HOOK2: variants seen among roughly 807,000 people sequenced by gnomAD.
HOOK2 encodes the protein hook microtubule tethering protein 2.
HOOK2 carries 108 observed loss-of-function variants against 111.9 expected under a neutral mutation model. The observed-to-expected ratio is 0.96, with a 90% CI of 0.83 to 1.13. The LOEUF is 1.13. HOOK2 is among the 50% of genes most tolerant of loss of function. The pLI is 0.00. For synonymous variants in HOOK2, 405 were observed against 394.3 expected (o/e 1.03, Z -0.32); for missense variants, 978 against 951.3 (o/e 1.03, Z -0.37).
chr19:12,771,247 G>A lies in HOOK2; in HGVS notation c.673C>T (p.Pro225Ser). ...AGACCTGGGGTACCCTCGCCTTCAG[G>A]CCGGCCCATCCGCTCCCGCAGCCCT... Reference protein sequence around the residue: ...NAGLRERMGRPEGEGTPGLTA... With the variant: ...NAGLRERMGRSEGEGTPGLTA... Residue 225 changes from proline (P) to serine (S), a missense_variant, in exon 9 of 23, where the codon CCT (proline) becomes TCT (serine). This residue lies in a region of HOOK2 where 301 missense variants were observed against 286.1 expected (regional missense o/e 1.05). Coordinates refer to ENST00000397668, the MANE Select transcript of HOOK2 (RefSeq NM_013312.3). 6.2e-7 allele frequency: 1 copy of A among 1,609,262 alleles called. No homozygotes were observed. Among genetic ancestry groups the A allele is most frequent in the African/African-American group, 1.3e-5 (1 of 75,026 alleles).
Position 12,765,677 on chromosome 19 carries a change from T to C in HOOK2, c.1640+13A>G. On this transcript the variant is annotated intron_variant, in intron 18 of 22. Transcript: ENST00000397668. ...CATGCCCCCACGAGGAGTTCCCTCT[T>C]TCTGCGACTTACAAATGTTCCTCCA... The C allele has an allele frequency of 6.2e-7, 1 of 1,614,114 alleles. No homozygotes were observed. The highest frequency in any genetic ancestry group is 8.5e-7 in the Non-Finnish European group (1 of 1,180,000).
Position 12,791,651 on chromosome 19 carries a change from C to T in HOOK2, n.42-17426G>A, listed in dbSNP as rs1461090018. 4 of 677,648 alleles carry T rather than the reference C, an allele frequency of 5.9e-6. No individual in the cohort carries two copies. Among genetic ancestry groups the T allele is most frequent in the African/African-American group, 1.9e-5 (1 of 52,306 alleles). 42.0% of individuals were successfully genotyped at this position (677,648 alleles called of 1,614,324 possible). On this transcript the variant is annotated intron_variant and non_coding_transcript_variant, in intron 3 of 3. Coordinates refer to the HOOK2 transcript ENST00000589765. This position sits in a 1 kb window ranked among gnomAD's most constrained non-coding sequence, Gnocchi z 7.0. The stretch of plus-strand genomic sequence containing the variant: ...GCTGGCTGCTACCCGCCCGCGCCAG[C>T]CCCCGAGAACGCGCGACCAGGCACC...
At chr19:12,767,611 C>T in intron 13 of HOOK2, 147 bp from the exon 14 acceptor site, 1 of 869,652 alleles carries the variant, frequency 1.1e-6, no homozygotes, top group Non-Finnish European at 1.8e-6. Flanking sequence ...TGATAGAGAA[C>T]CGGGAGGGTT....
intron 3 of HOOK2, among the ~76,000 whole-genome samples, chr19:12,783,501 C>T (rs539006651): frequency 1.0e-3 from 159 of 152,106 alleles, no homozygotes; most frequent in Non-Finnish European, 1.9e-3. Context: ...AAGCCGGCGC[C>T]CCCCTCGAGC....
rs917908024 is a variant in HOOK2 at position 12,790,614 on chromosome 19, T to C, written n.42-16389A>G. 6.6e-6 allele frequency among the ~76,000 whole-genome samples: 1 copy of C among 152,160 alleles called. No homozygotes were observed. Among genetic ancestry groups the C allele is most frequent in the Admixed American group, 6.5e-5 (1 of 15,278 alleles). On this transcript the variant is annotated intron_variant and non_coding_transcript_variant, in intron 3 of 3. Transcript: ENST00000589765. This position sits in a 1 kb window ranked among gnomAD's most constrained non-coding sequence, Gnocchi z 7.2. ...ACATGTCAACTGAGTACCCTCTTATTGTCTTCTCTGCTCCGAAGATGTGTC... is the reference window on the plus strand; with the variant it reads ...ACATGTCAACTGAGTACCCTCTTATCGTCTTCTCTGCTCCGAAGATGTGTC...
At position 12,770,103 on chromosome 19, in the gene HOOK2, G is replaced by T. The variant is rs377711172; in HGVS notation, c.903-21C>A. 3.4e-5 allele frequency: 50 copies of T among 1,471,460 alleles called. No individual in the cohort carries two copies. In the African/African-American group the frequency reaches 6.4e-4, roughly 19 times the overall value. The allele number at this position is 1,471,460 out of a possible 1,614,324, so 91.2% of individuals were successfully genotyped here. A position where few individuals can be genotyped will look rare whatever the true frequency, so the allele number is the denominator to read the frequency against. The stretch of plus-strand genomic sequence containing the variant: ...ACTGCCTAGGGGAGTGGGAGGGAAG[G>T]GGGAGGGCTGAGAGCTCTGATCAGG... On this transcript the variant is annotated intron_variant, in intron 10 of 22. Coordinates refer to ENST00000397668, the MANE Select transcript of HOOK2 (RefSeq NM_013312.3).
chr19:12,770,070 C>T lies in HOOK2; in HGVS notation c.915G>A (p.Glu305=), dbSNP rs1968271752. 1.3e-6 allele frequency: 2 copies of T among 1,518,226 alleles called. No homozygotes were observed. The highest frequency in any genetic ancestry group is 2.1e-5 in the Admixed American group (1 of 48,522). The allele number at this position is 1,518,226 out of a possible 1,614,324, so 94.0% of individuals were successfully genotyped here. Residue 305 remains glutamate (E), a synonymous_variant, in exon 11 of 23, where the codon GAG becomes GAA. Coordinates refer to ENST00000397668, the MANE Select transcript of HOOK2 (RefSeq NM_013312.3). ...DEMDELRQSS[E]RAGQLEATLT... ...GCGTGGCCTCCAGCTGCCCAGCACG[C>T]TCCGAAGACTGCCTAGGGGAGTGGG...
In HOOK2 at chr19:12,772,861, C is replaced by T. The variant is rs773351960; in HGVS notation, c.307G>A (p.Gly103Arg). ...AGCTCTGCCGGGTCTGAGAACTCTC[C>T]AATGAGGCTCACATCTGGGAGATGC... The part of the protein sequence containing the change: ...EEHLPDVSLI[G>R]EFSDPAELGK... The change falls in exon 5 of 23, where the codon GGA (glycine) becomes AGA (arginine). Residue 103 changes from glycine to arginine, a missense_variant. Gly to Arg is a moderately radical substitution (Grantham distance 125). Transcript: ENST00000397668. The T allele has an allele frequency of 6.2e-7, 1 of 1,614,200 alleles. No individual in the cohort carries two copies.
At position 12,770,080 on chromosome 19, in the gene HOOK2, T is replaced by A; in HGVS notation, c.905A>T (p.Gln302Leu). The A allele has an allele frequency of 6.7e-7, 1 of 1,493,962 alleles. No individual in the cohort carries two copies. The highest frequency in any genetic ancestry group is 8.9e-7 in the Non-Finnish European group (1 of 1,122,262). 92.5% of individuals were successfully genotyped at this position (1,493,962 alleles called of 1,614,324 possible). The change falls in exon 11 of 23, where the codon CAG (glutamine) becomes CTG (leucine). Residue 302 changes from glutamine (Q) to leucine (L), a missense_variant and splice_region_variant. Gln to Leu is a moderately radical substitution (Grantham distance 113). Around this residue, in one of 5 missense-constraint regions of HOOK2, gnomAD observed 388 missense variants for 358.3 expected, o/e 1.08. Transcript: ENST00000397668. ...CAGCTGCCCAGCACGCTCCGAAGAC[T>A]GCCTAGGGGAGTGGGAGGGAAGGGG... is the stretch of plus-strand genomic sequence containing the variant. ...ALKDEMDELR[Q>L]SSERAGQLEA...
chr19:12,764,942 C>T (rs762205954), intron 19 of HOOK2, 25 bp from the exon 20 acceptor site: 3 of 1,613,772 alleles, frequency 1.9e-6, no homozygotes, highest in Non-Finnish European at 2.5e-6. Flanking sequence ...GGCCCATCAG[C>T]TCCACGCTGC....
At chr19:12,775,198 C>T in intron 1 of HOOK2, 2 of 985,364 alleles carry the variant, frequency 2.0e-6, no homozygotes, top group Non-Finnish European at 2.4e-6. Context: ...GTGAACCAAC[C>T]ACAGAGGGGC....
chr19:12,782,930 A>C (rs1299022791), upstream of HOOK2, among the ~76,000 whole-genome samples: 2 of 148,264 alleles, frequency 1.3e-5, no homozygotes, highest in African/African-American at 2.5e-5. Flanking sequence ...CCGCGTAGCC[A>C]GGCGCGTGTT....
At chr19:12,777,490 A>G (rs1194349409), upstream of HOOK2, among the ~76,000 whole-genome samples, 1 of 152,236 alleles carries the variant, frequency 6.6e-6, no homozygotes, top group Non-Finnish European at 1.5e-5. Flanking sequence ...CAAGAAATAA[A>G]TAAATGAATG....
At chr19:12,787,469 A>G (rs7254552) in intron 3 of HOOK2, among the ~76,000 whole-genome samples, 7,291 of 151,996 alleles carry the variant, frequency 0.048, 627 homozygotes, top group African/African-American at 0.17. Context: ...CATCTCTACT[A>G]AAAATACAAA....
Position 12,768,135 on chromosome 19 carries a change from G to T in HOOK2, c.1105-12C>A, listed in dbSNP as rs765840529. On this transcript the variant is annotated splice_polypyrimidine_tract_variant and intron_variant, in intron 11 of 22. Coordinates refer to ENST00000397668, the MANE Select transcript of HOOK2 (RefSeq NM_013312.3). ...TGCAGTTCCTGCACCTGAACACAGA[G>T]AGGGGAGGAATAAGGACAGCAGGGC... The T allele has an allele frequency of 1.2e-6, 2 of 1,611,210 alleles. No individual in the cohort carries two copies. The highest frequency in any genetic ancestry group is 3.3e-5 in the Admixed American group (2 of 60,002).
intron 20 of HOOK2, 88 bp downstream of exon 20, chr19:12,764,726 A>G: frequency 1.9e-6 from 2 of 1,063,614 alleles, no homozygotes. Flanking sequence ...GGGGGCACAG[A>G]TGTGCAAGCA....
At chr19:12,788,872 G>C (rs909803747) in intron 3 of HOOK2, among the ~76,000 whole-genome samples, 14 of 152,108 alleles carry the variant, frequency 9.2e-5, no homozygotes, top group African/African-American at 3.4e-4. Flanking sequence ...GGGGAGGGGA[G>C]CCATTCAAGC....
chr19:12,766,052 T>C, intron 15 of HOOK2, 38 bp from the exon 16 acceptor site: 2 of 1,609,128 alleles, frequency 1.2e-6, no homozygotes, highest in Non-Finnish European at 1.7e-6. Flanking sequence ...CTGTGCCCAC[T>C]TTTGGCCCCC....
chr19:12,787,987 G>A lies in HOOK2; in HGVS notation n.42-13762C>T, dbSNP rs564135512. Among the ~76,000 whole-genome samples the A allele has an allele frequency of 7.2e-5, 11 of 152,214 alleles. No homozygotes were observed. The East Asian group carries it at 1.7e-3, about 24-fold the overall frequency. ...GGAGAATCGCTTGAACCCAGGAGGC[G>A]GAGGTTGCAGTGAGCCAACATCATG... On this transcript the variant is annotated intron_variant and non_coding_transcript_variant, in intron 3 of 3. Transcript: ENST00000589765.
Sources: gnomAD v4.1 joint callset for allele counts (sites outside exome capture counted in the v4.1 genomes callset) on GRCh38, gnomAD v4.1.1 for gene constraint, gnomAD v4.1.1 regional missense constraint, Gnocchi (gnomAD v3.1) non-coding constraint, MANE v1.5 for transcripts, NCBI Gene and HGNC (gene_info 2026-07-23, HGNC 2026-07-21) for gene names.